GPI: variants seen among roughly 807,000 people sequenced by gnomAD.
GPI encodes glucose-6-phosphate isomerase, also known as D-hexose-6-phosphate anomerase.
A neutral mutation model predicts 75.8 loss-of-function variants in GPI; 56 were observed. That is an observed-to-expected ratio of 0.74 (90% CI 0.60 to 0.92). The LOEUF is 0.92. Among genes scored for constraint, GPI ranks in the 40% least tolerant of loss-of-function variants. GPI has a pLI of 0.00. For synonymous variants in GPI, 288 were observed against 285.4 expected (o/e 1.01, Z -0.09); for missense variants, 638 against 741.0 (o/e 0.86, Z 1.61).
chr19:34,371,404 C>G (rs1031749968), intron 4 of GPI, among the ~76,000 whole-genome samples: 4 of 152,134 alleles, frequency 2.6e-5, no homozygotes. Context: ...ATACTGTCAT[C>G]CTGGGCACCA....
At chr19:34,367,449 T>C (rs2074384134) in intron 3 of GPI, among the ~76,000 whole-genome samples, 1 of 152,198 alleles carries the variant, frequency 6.6e-6, no homozygotes, top group Non-Finnish European at 1.5e-5. Context: ...TCAACCTGTC[T>C]TGCATTGTGG....
intron 6 of GPI, among the ~76,000 whole-genome samples, chr19:34,378,280 G>T (rs1053134362): frequency 6.6e-6 from 1 of 152,028 alleles, no homozygotes; most frequent in Non-Finnish European, 1.5e-5. Flanking sequence ...TGCAATCTCC[G>T]TCTCCCAGGT....
chr19:34,398,389 T>A (rs1447217051), intron 14 of GPI: 2 of 152,234 alleles, frequency 1.3e-5, no homozygotes, highest in Non-Finnish European at 2.9e-5. Flanking sequence ...TGTTCCTGTC[T>A]ATAGTTCTGT....
intron 1 of GPI, chr19:34,365,806 G>T (rs1023083485): frequency 4.5e-5 from 21 of 471,060 alleles, no homozygotes; most frequent in Non-Finnish European, 8.4e-5. Context: ...AGGGCGGGCA[G>T]CCCGGGCGGG....
Position 34,393,079 on chromosome 19 carries a change from G to T in GPI, c.805-169G>T, listed in dbSNP as rs1289162738. ...TCAGTCATCTGTAGTCTGCCCTGTTGGTCTTCCCATGTGTTGCCAGCACCT... is the reference window on the plus strand; with the variant it reads ...TCAGTCATCTGTAGTCTGCCCTGTTTGTCTTCCCATGTGTTGCCAGCACCT... On this transcript the variant is annotated intron_variant, in intron 9 of 17. Coordinates refer to ENST00000356487, the MANE Select transcript of GPI (RefSeq NM_000175.5). This position sits in a 1 kb window ranked among gnomAD's most constrained non-coding sequence, Gnocchi z 4.4. The T allele has an allele frequency of 3.0e-6, 2 of 677,094 alleles. No homozygotes were observed. Among genetic ancestry groups the T allele is most frequent in the Admixed American group, 4.1e-5 (2 of 48,860 alleles). 41.9% of individuals were successfully genotyped at this position (677,094 alleles called of 1,614,324 possible).
chr19:34,393,760 G>T lies in GPI; in HGVS notation c.898G>T (p.Ala300Ser), dbSNP rs1435398228. 1.2e-6 allele frequency: 2 copies of T among 1,613,042 alleles called. No homozygotes were observed. The stretch of plus-strand genomic sequence containing the variant: ...CAACTTCGAGCAGCTGCTCTCGGGG[G>T]CTCACTGGATGGTGAGTGCTGAGGC... Reference protein sequence around the residue: ...FDNFEQLLSGAHWMDQHFRTT... With the variant: ...FDNFEQLLSGSHWMDQHFRTT... Residue 300 changes from alanine (A) to serine (S), a missense_variant, in exon 11 of 18, where the codon GCT becomes TCT. By Grantham distance (99) the Ala-to-Ser change is moderately conservative. Coordinates refer to ENST00000356487, the MANE Select transcript of GPI (RefSeq NM_000175.5). This position sits in a 1 kb window ranked among gnomAD's most constrained non-coding sequence, Gnocchi z 4.4.
rs747052612 is a variant in GPI at position 34,399,885 on chromosome 19, C to T, written c.1542-16C>T. The T allele has an allele frequency of 2.5e-6, 4 of 1,613,940 alleles. No homozygotes were observed. Among genetic ancestry groups the T allele is most frequent in the East Asian group, 4.5e-5 (2 of 44,888 alleles). On this transcript the variant is annotated splice_polypyrimidine_tract_variant and intron_variant, in intron 17 of 17. Transcript: ENST00000356487. ...CTTCCTCATACCACTCTTCCCTTCC[C>T]TTCCCTTCTTGGCAGAGTGGAGCTG...
Position 34,366,848 on chromosome 19 carries a change from C to A in GPI, c.279C>A (p.Thr93=). Residue 93 remains threonine, a synonymous_variant, in exon 3 of 18, where the codon ACC becomes ACA. Coordinates refer to ENST00000356487, the MANE Select transcript of GPI (RefSeq NM_000175.5). ...TCAATGGTGAGAAGATCAACTACAC[C>A]GAGGTGAGCAGGCCCCACATACCCT... ...RMFNGEKINY[T]EGRAVLHVAL... 4.3e-6 allele frequency: 7 copies of A among 1,610,952 alleles called. No homozygotes were observed. Among genetic ancestry groups the A allele is most frequent in the Non-Finnish European group, 5.1e-6 (6 of 1,177,160 alleles).
chr19:34,379,836 A>C, intron 8 of GPI: 2 of 588,612 alleles, frequency 3.4e-6, no homozygotes, highest in South Asian at 3.9e-5. Flanking sequence ...AGAACCCTTC[A>C]TACACATGAC....
At chr19:34,379,156 G>A in intron 7 of GPI, 151 bp downstream of exon 7, 1 of 742,356 alleles carries the variant, frequency 1.3e-6, no homozygotes, top group Admixed American at 2.0e-5. Context: ...TGAGATGATT[G>A]TTCATCTTGG....
In GPI at chr19:34,399,227, G is replaced by C. The variant is rs2074986667; in HGVS notation, c.1290G>C (p.Leu430Phe). The change falls in exon 15 of 18, where the codon TTG becomes TTC. Residue 430 changes from leucine (L) to phenylalanine (F), a missense_variant. By Grantham distance (22) the Leu-to-Phe change is conservative (BLOSUM62 0). Coordinates refer to ENST00000356487, the MANE Select transcript of GPI (RefSeq NM_000175.5). ...LHHKILLANF[L>F]AQTEALMRGK... The stretch of plus-strand genomic sequence containing the variant: ...ATCAGATCCTCCTGGCCAACTTCTT[G>C]GCCCAGACAGAGGCCCTGATGAGGG... 6.2e-7 allele frequency: 1 copy of C among 1,613,486 alleles called. No homozygotes were observed. Among genetic ancestry groups the C allele is most frequent in the South Asian group, 1.1e-5 (1 of 91,030 alleles).
At chr19:34,396,176 G>A in intron 12 of GPI, 125 bp from the exon 13 acceptor site, 2 of 979,488 alleles carry the variant, frequency 2.0e-6, no homozygotes, top group South Asian at 1.3e-5. Context: ...AACCTCAGGT[G>A]ATCCGCCTGC....
In GPI at chr19:34,377,846, A is replaced by C; in HGVS notation, c.598A>C (p.Asn200His). ...THIAKTLAQLNPESSLFIIAS... is the reference protein window; with the variant it reads ...THIAKTLAQLHPESSLFIIAS... ...CATTGCCAAAACCCTGGCCCAGCTG[A>C]ACCCCGAGTCCTCCCTGTTCATCAT... Residue 200 changes from asparagine to histidine, a missense_variant, in exon 6 of 18, where the codon AAC becomes CAC. Physicochemically the swap from Asn to His is moderately conservative, Grantham distance 68 (BLOSUM62 1). Transcript: ENST00000356487. 6.2e-7 allele frequency: 1 copy of C among 1,614,148 alleles called. No individual in the cohort carries two copies. Among genetic ancestry groups the C allele is most frequent in the Non-Finnish European group, 8.5e-7 (1 of 1,180,004 alleles).
chr19:34,388,150 T>C (rs1227403078), intron 9 of GPI, among the ~76,000 whole-genome samples: 1 of 152,174 alleles, frequency 6.6e-6, no homozygotes, highest in Non-Finnish European at 1.5e-5. Flanking sequence ...CAAGATGGCA[T>C]TGTGCTCCAG....
At chr19:34,390,841 G>A (rs2074813651) in intron 9 of GPI, among the ~76,000 whole-genome samples, 1 of 146,846 alleles carries the variant, frequency 6.8e-6, no homozygotes, top group South Asian at 2.3e-4. Flanking sequence ...AGTGTCTGAG[G>A]AGGTAGCACC....
In GPI at chr19:34,393,145, C is replaced by T. The variant is rs2074890058; in HGVS notation, c.805-103C>T. ...TCCTGGAGGTGGGTTGGGCCAGGGC[C>T]CTCCGAGACGCCCCTGTGCAAGACC... On this transcript the variant is annotated intron_variant, in intron 9 of 17. Transcript: ENST00000356487. The surrounding 1 kb of genome is among the most constrained non-coding windows in gnomAD (Gnocchi z 4.4). 8 of 927,558 alleles carry T rather than the reference C, an allele frequency of 8.6e-6. No homozygotes were observed. The Admixed American group carries it at 1.4e-4, about 16-fold the overall frequency. The allele number at this position is 927,558 out of a possible 1,614,324, so 57.5% of individuals were successfully genotyped here.
At chr19:34,382,562 G>C (rs1313142088) in intron 9 of GPI, among the ~76,000 whole-genome samples, 3 of 152,268 alleles carry the variant, frequency 2.0e-5, no homozygotes, top group East Asian at 3.9e-4. Flanking sequence ...GGTCAAGAGA[G>C]ACTGTGCGGC....
At chr19:34,373,901 T>C (rs1486243034) in intron 4 of GPI, among the ~76,000 whole-genome samples, 4 of 152,204 alleles carry the variant, frequency 2.6e-5, no homozygotes, top group Non-Finnish European at 5.9e-5. Flanking sequence ...AGTGATCCAA[T>C]AGAGAGTAAG....
At chr19:34,378,895 C>G in intron 6 of GPI, 39 bp from the exon 7 acceptor site, 1 of 1,555,824 alleles carries the variant, frequency 6.4e-7, no homozygotes, top group South Asian at 1.1e-5. Context: ...GCACCCACCC[C>G]TAAGCTCGGG....
Sources: allele counts gnomAD v4.1 joint callset (sites outside exome capture counted in the v4.1 genomes callset), GRCh38; gene constraint gnomAD v4.1.1; non-coding constraint Gnocchi (gnomAD v3.1); transcripts MANE v1.5; gene names NCBI Gene and HGNC (gene_info 2026-07-23, HGNC 2026-07-21).